IREB2: variants seen among roughly 807,000 people sequenced by gnomAD.
IREB2 encodes the protein iron responsive element binding protein 2, also known as iron-responsive element-binding protein 2.
A neutral mutation model predicts 118.8 loss-of-function variants in IREB2; 39 were observed. The observed-to-expected ratio is 0.33, with a 90% CI of 0.25 to 0.43. The LOEUF (loss-of-function observed/expected upper bound fraction) is 0.43, where lower values mean the gene tolerates loss of function less well. Ranked by LOEUF, IREB2 falls within the 20% of genes least tolerant of loss-of-function variation. The pLI is 1.00. For missense variants in IREB2, 900 were observed against 1,147.3 expected (o/e 0.78, Z 3.11); for synonymous variants, 372 against 392.2 (o/e 0.95, Z 0.61).
chr15:78,471,507 T>TG (rs2051376671), intron 6 of IREB2, among the ~76,000 whole-genome samples: 1 of 152,238 alleles, frequency 6.6e-6, no homozygotes, highest in South Asian at 2.1e-4. Context: ...AGTTGAATAC[T>TG]GCCATTTGTC....
chr15:78,491,683 A>G (rs939543702), intron 18 of IREB2, among the ~76,000 whole-genome samples: 24 of 152,002 alleles, frequency 1.6e-4, no homozygotes, highest in African/African-American at 5.1e-4. Context: ...TTTTTAGTAG[A>G]GACAGGGTTT....
chr15:78,438,271 C>T lies in IREB2; in HGVS notation c.-67C>T. 3 of 1,282,634 alleles carry T rather than the reference C, an allele frequency of 2.3e-6. No homozygotes were observed. The highest frequency in any genetic ancestry group is 2.2e-6 in the Non-Finnish European group (2 of 899,438). The allele number at this position is 1,282,634 out of a possible 1,614,324, so 79.5% of individuals were successfully genotyped here. On this transcript the variant is annotated 5_prime_UTR_variant, in exon 1 of 22. Coordinates refer to ENST00000258886, the MANE Select transcript of IREB2 (RefSeq NM_004136.4). ...GTCCGCCTGTCTTCCTCCCCGTCTTCCCTGCCCGGCCTCCCCCTTCTTCCC... is the reference window on the plus strand; with the variant it reads ...GTCCGCCTGTCTTCCTCCCCGTCTTTCCTGCCCGGCCTCCCCCTTCTTCCC...
At chr15:78,438,686 C>T (rs2050795614) in intron 1 of IREB2, 1 of 440,216 alleles carries the variant, frequency 2.3e-6, no homozygotes, top group Admixed American at 3.7e-5. Flanking sequence ...CAGGGAGAGG[C>T]CCACCGTCTT....
intron 16 of IREB2, among the ~76,000 whole-genome samples, chr15:78,489,649 G>A (rs774490157): frequency 1.3e-5 from 2 of 151,922 alleles, no homozygotes; most frequent in Non-Finnish European, 2.9e-5. Flanking sequence ...TGAGTAGCTG[G>A]GGCCACAGGC....
intron 18 of IREB2, among the ~76,000 whole-genome samples, chr15:78,492,478 G>T (rs779594081): frequency 3.3e-5 from 5 of 152,172 alleles, no homozygotes; most frequent in Non-Finnish European, 7.3e-5. Flanking sequence ...TTGAAAACTG[G>T]TAAATAATCA....
chr15:78,458,164 C>G (rs547419858), intron 2 of IREB2, among the ~76,000 whole-genome samples: 1 of 152,266 alleles, frequency 6.6e-6, no homozygotes, highest in East Asian at 1.9e-4. Context: ...TCTAGTATTT[C>G]TGATAACTGT....
At chr15:78,479,702 A>T (rs1335734101) in intron 10 of IREB2, among the ~76,000 whole-genome samples, 2 of 152,180 alleles carry the variant, frequency 1.3e-5, no homozygotes, top group Non-Finnish European at 2.9e-5. Context: ...CCGCTATTAA[A>T]GGTATACACT....
At chr15:78,480,719 C>T (rs371068079) in intron 10 of IREB2, among the ~76,000 whole-genome samples, 3 of 127,142 alleles carry the variant, frequency 2.4e-5, no homozygotes, top group Admixed American at 8.4e-5. Flanking sequence ...TCTGGCCGGG[C>T]GTGGTGGCTC....
Position 78,438,284 on chromosome 15 carries a change from C to G in IREB2, c.-54C>G. ...CCTCCCCGTCTTCCCTGCCCGGCCT[C>G]CCCCTTCTTCCCCCGCTGGCCCCCT... On this transcript the variant is annotated 5_prime_UTR_variant, in exon 1 of 22. Transcript: ENST00000258886. 1.4e-6 allele frequency: 2 copies of G among 1,430,976 alleles called. No homozygotes were observed. The highest frequency in any genetic ancestry group is 1.2e-5 in the South Asian group (1 of 82,336). The allele number at this position is 1,430,976 out of a possible 1,614,324, so 88.6% of individuals were successfully genotyped here.
At chr15:78,481,090 A>T (rs1489816358) in intron 10 of IREB2, among the ~76,000 whole-genome samples, 1 of 152,086 alleles carries the variant, frequency 6.6e-6, no homozygotes, top group African/African-American at 2.4e-5. Context: ...CCAAGGCAAG[A>T]GGATTACTTA....
chr15:78,495,936 G>A (rs1392455034), intron 20 of IREB2, among the ~76,000 whole-genome samples: 1 of 152,186 alleles, frequency 6.6e-6, no homozygotes, highest in African/African-American at 2.4e-5. Flanking sequence ...CACAAGTCTA[G>A]AGCCTTTGGC....
At chr15:78,487,112 T>C (rs1440148481) in intron 13 of IREB2, among the ~76,000 whole-genome samples, 2 of 152,210 alleles carry the variant, frequency 1.3e-5, no homozygotes, top group Non-Finnish European at 2.9e-5. Context: ...GGTTATATTA[T>C]CTTGGATTTA....
In IREB2 at chr15:78,488,726, A is replaced by G; in HGVS notation, c.2031A>G (p.Glu677=). The G allele has an allele frequency of 6.4e-7, 1 of 1,571,300 alleles. No homozygotes were observed. ...SREEVHRVEE[E]HVILSMFKAL... is the part of the protein sequence containing the mutation. ...AAGAAGTTCATCGAGTAGAGGAAGA[A>G]CATGTTATACTATCCATGTTTAAAG... Residue 677 remains glutamate (E), a synonymous_variant, in exon 16 of 22, where the codon GAA becomes GAG. Transcript: ENST00000258886.
At chr15:78,465,513 G>A (rs899675910) in intron 4 of IREB2, 125 bp downstream of exon 4, 5 of 854,232 alleles carry the variant, frequency 5.9e-6, no homozygotes, top group Middle Eastern at 3.3e-4. Context: ...GTATTGGCTA[G>A]TATATAAAAG....
chr15:78,440,387 A>T (rs1404335185), intron 2 of IREB2, among the ~76,000 whole-genome samples: 1 of 150,404 alleles, frequency 6.6e-6, no homozygotes, highest in Admixed American at 6.6e-5. Flanking sequence ...TTTTTGAGAC[A>T]GAGTCTTGCT....
At chr15:78,444,050 G>T (rs1012657835) in intron 2 of IREB2, among the ~76,000 whole-genome samples, 1 of 151,818 alleles carries the variant, frequency 6.6e-6, no homozygotes. Flanking sequence ...TGTAGATTTT[G>T]AGTAACTCTT....
At chr15:78,437,846 G>A (rs1595978542), upstream of IREB2, 1 of 162,422 alleles carries the variant, frequency 6.2e-6, no homozygotes, top group East Asian at 1.8e-4. Context: ...AGGCTTTATA[G>A]TTAGGGGAAA....
intron 2 of IREB2, among the ~76,000 whole-genome samples, chr15:78,448,626 GTCCTGTTGCCAGGCC>G (rs1446595659): frequency 1.3e-5 from 2 of 152,228 alleles, no homozygotes; most frequent in African/African-American, 4.8e-5. Context: ...GCATGGGTTA[GTCCTGTTGCCAGGCC>G]TGATGGGATT....
intron 3 of IREB2, 25 bp from the exon 4 acceptor site, chr15:78,465,226 A>C: frequency 6.3e-7 from 1 of 1,586,852 alleles, no homozygotes; most frequent in African/African-American, 1.4e-5. Context: ...TTTGGACTAT[A>C]ATTTGACCAT....
Sources: allele counts gnomAD v4.1 joint callset (sites outside exome capture counted in the v4.1 genomes callset), GRCh38; gene constraint gnomAD v4.1.1; transcripts MANE v1.5; gene names NCBI Gene and HGNC (gene_info 2026-07-23, HGNC 2026-07-21).